The following SGK1 variants were observed in gnomAD, a reference collection of about 807,000 sequenced individuals.
SGK1 encodes serine/threonine-protein kinase Sgk1.
In SGK1, 26 loss-of-function variants were observed where a neutral mutation model predicts 64.2. That is an observed-to-expected ratio of 0.40 (90% CI 0.30 to 0.56). The LOEUF (loss-of-function observed/expected upper bound fraction) is 0.56, where lower values mean the gene tolerates loss of function less well. Ranked by LOEUF, SGK1 falls within the 20% of genes least tolerant of loss-of-function variation. The pLI, the probability that SGK1 is intolerant of heterozygous loss-of-function variation, is 0.38. For missense variants in SGK1, 519 were observed against 645.6 expected, an observed-to-expected ratio of 0.80 and a Z score of 2.12; for synonymous variants, 265 against 239.7, an observed-to-expected ratio of 1.11 and a Z score of -0.98.
chr6:134,267,020 T>C (rs1776864766), intron 1 of SGK1, among the ~76,000 whole-genome samples: 1 of 152,188 alleles, frequency 6.6e-6, no homozygotes, highest in Non-Finnish European at 1.5e-5. Flanking sequence ...TTAGGGTTAC[T>C]GTGAACAGGA....
chr6:134,215,517 G>T (rs1012964728), intron 2 of SGK1, among the ~76,000 whole-genome samples: 9 of 152,056 alleles, frequency 5.9e-5, no homozygotes, highest in African/African-American at 2.2e-4. Flanking sequence ...TGGTGGAATT[G>T]GTAGGGAAAA....
chr6:134,203,684 TAAAAC>T (rs1418691549), intron 3 of SGK1, among the ~76,000 whole-genome samples: 1 of 152,194 alleles, frequency 6.6e-6, no homozygotes, highest in Non-Finnish European at 1.5e-5. Flanking sequence ...GAAATAGACT[TAAAAC>T]AAAGACTTTT....
intron 1 of SGK1, among the ~76,000 whole-genome samples, chr6:134,278,802 T>G (rs190300160): frequency 6.6e-6 from 1 of 151,760 alleles, no homozygotes; most frequent in East Asian, 1.9e-4. Context: ...TGTTCAAAGA[T>G]CCTATGGAAA....
intron 2 of SGK1, among the ~76,000 whole-genome samples, chr6:134,233,254 A>T (rs1229198274): frequency 6.6e-6 from 1 of 152,200 alleles, no homozygotes; most frequent in Non-Finnish European, 1.5e-5. Context: ...ATGCATTTGT[A>T]TCCCACTTAT....
intron 1 of SGK1, among the ~76,000 whole-genome samples, chr6:134,300,410 C>T (rs971978822): frequency 6.6e-6 from 1 of 151,058 alleles, no homozygotes; most frequent in African/African-American, 2.4e-5. Context: ...GTGTGGCGGG[C>T]GCCTGTAGTC....
intron 3 of SGK1, among the ~76,000 whole-genome samples, chr6:134,198,563 A>G (rs529695438): frequency 6.6e-6 from 1 of 152,080 alleles, no homozygotes; most frequent in East Asian, 1.9e-4. Flanking sequence ...CAATGATATC[A>G]TTTTATATAT....
intron 1 of SGK1, among the ~76,000 whole-genome samples, chr6:134,262,614 G>C (rs4053054): frequency 0.15 from 22,370 of 151,606 alleles, 1,964 homozygotes; most frequent in African/African-American, 0.24. Context: ...TGGGAGAATC[G>C]CTTGAACCTG....
At chr6:134,235,580 T>TA (rs1776350628) in intron 2 of SGK1, among the ~76,000 whole-genome samples, 1 of 150,748 alleles carries the variant, frequency 6.6e-6, no homozygotes, top group African/African-American at 2.4e-5. Context: ...TTTATTTATT[T>TA]ATTTATTTTT....
chr6:134,243,135 C>T (rs1316078214), intron 2 of SGK1, among the ~76,000 whole-genome samples: 1 of 151,976 alleles, frequency 6.6e-6, no homozygotes, highest in African/African-American at 2.4e-5. Context: ...ACCTATTTAG[C>T]TTATGCCTTT....
At chr6:134,212,042 TTTG>T (rs1223998009) in intron 2 of SGK1, among the ~76,000 whole-genome samples, 7 of 91,252 alleles carry the variant, frequency 7.7e-5, no homozygotes, top group African/African-American at 2.6e-4. Context: ...TTCCTGTTTT[TTTG>T]TTTTTTGTTT....
chr6:134,232,910 C>T (rs969102811), intron 2 of SGK1, among the ~76,000 whole-genome samples: 7 of 151,558 alleles, frequency 4.6e-5, no homozygotes, highest in East Asian at 3.9e-4. Context: ...ATGTAGGAAA[C>T]AATGTTTATT....
chr6:134,309,423 T>C (rs1484207950), intron 1 of SGK1, among the ~76,000 whole-genome samples: 1 of 152,162 alleles, frequency 6.6e-6, no homozygotes, highest in African/African-American at 2.4e-5. Context: ...CACATGGTCT[T>C]TTATAAATTT....
At chr6:134,188,363 C>A (rs1582698207) in intron 3 of SGK1, among the ~76,000 whole-genome samples, 1 of 152,064 alleles carries the variant, frequency 6.6e-6, no homozygotes, top group Admixed American at 6.6e-5. Flanking sequence ...GGTATATAAT[C>A]GCATATCTGG....
chr6:134,217,585 T>A (rs548697623), intron 2 of SGK1, among the ~76,000 whole-genome samples: 1 of 152,258 alleles, frequency 6.6e-6, no homozygotes, highest in East Asian at 1.9e-4. Flanking sequence ...ATTATCTCAC[T>A]ACAGCAAACA....
intron 2 of SGK1, among the ~76,000 whole-genome samples, chr6:134,220,867 G>A (rs1252069716): frequency 4.0e-5 from 6 of 151,510 alleles, no homozygotes; most frequent in South Asian, 4.2e-4. Flanking sequence ...CTGTAGTTTC[G>A]GCTACTCTGG....
At chr6:134,287,827 G>A (rs1777209335) in intron 1 of SGK1, among the ~76,000 whole-genome samples, 1 of 152,034 alleles carries the variant, frequency 6.6e-6, no homozygotes, top group African/African-American at 2.4e-5. Flanking sequence ...GGGACCCTGT[G>A]CTCTATTTTG....
At chr6:134,253,293 CTT>C (rs71003685) in intron 2 of SGK1, among the ~76,000 whole-genome samples, 2 of 144,440 alleles carry the variant, frequency 1.4e-5, no homozygotes, top group Non-Finnish European at 1.5e-5. Flanking sequence ...TTTTGTTTTT[CTT>C]TTTTTTTTTT....
intron 1 of SGK1, among the ~76,000 whole-genome samples, chr6:134,271,510 A>G (rs1309545973): frequency 6.8e-6 from 1 of 147,764 alleles, no homozygotes; most frequent in Non-Finnish European, 1.5e-5. Flanking sequence ...TGGTGTAATC[A>G]GTGGAGAAGA....
chr6:134,220,555 G>A (rs1294064902), intron 2 of SGK1, among the ~76,000 whole-genome samples: 13 of 152,166 alleles, frequency 8.5e-5, no homozygotes, highest in Non-Finnish European at 5.9e-5. Flanking sequence ...AAATTTACTT[G>A]ACTATGTATG....
Sources: gnomAD v4.1 joint callset for allele counts (sites outside exome capture counted in the v4.1 genomes callset) on GRCh38, gnomAD v4.1.1 for gene constraint, MANE v1.5 for transcripts, NCBI Gene and HGNC (gene_info 2026-07-23, HGNC 2026-07-21) for gene names.